Variants in PWWP2A observed in about 807,000 individuals in gnomAD.
The protein encoded by PWWP2A is PWWP domain-containing protein 2A.
A neutral mutation model predicts 48.5 loss-of-function variants in PWWP2A; 18 were observed. The observed-to-expected ratio is 0.37, with a 90% CI of 0.26 to 0.55. The LOEUF (loss-of-function observed/expected upper bound fraction) is 0.55. Ranked by LOEUF, PWWP2A falls within the 20% of genes least tolerant of loss-of-function variation. The pLI is 0.81. For missense variants in PWWP2A, 867 were observed against 976.4 expected (o/e 0.89, Z 1.49); for synonymous variants, 396 against 387.7 (o/e 1.02, Z -0.25).
At chr5:160,096,114 A>C (rs1240768265) in intron 1 of PWWP2A, among the ~76,000 whole-genome samples, 1 of 152,224 alleles carries the variant, frequency 6.6e-6, no homozygotes, top group African/African-American at 2.4e-5. Context: ...AGCATACACC[A>C]GGTATTATTC....
chr5:160,101,983 G>A (rs905937228), intron 1 of PWWP2A, among the ~76,000 whole-genome samples: 1 of 151,496 alleles, frequency 6.6e-6, no homozygotes, highest in African/African-American at 2.4e-5. Context: ...GGTGGCATGC[G>A]CCTGTAATCC....
the PWWP2A span, among the ~76,000 whole-genome samples, chr5:160,047,499 C>A: frequency 1.3e-5 from 2 of 152,178 alleles, no homozygotes; most frequent in Non-Finnish European, 2.9e-5. Flanking sequence ...TCATCTGGAC[C>A]ACTGCATTAG....
intron 5 of PWWP2A, among the ~76,000 whole-genome samples, chr5:160,062,905 CCTGT>C (rs1478365073): frequency 2.0e-5 from 3 of 152,124 alleles, no homozygotes; most frequent in Non-Finnish European, 4.4e-5. Flanking sequence ...CTGAGGCTGC[CCTGT>C]CTTTCTCTTG....
intron 2 of PWWP2A, among the ~76,000 whole-genome samples, chr5:160,068,912 A>C (rs894845685): frequency 6.6e-6 from 1 of 152,196 alleles, no homozygotes; most frequent in African/African-American, 2.4e-5. Context: ...CTGTTACCTC[A>C]AGATCAATAG....
At chr5:160,066,043 TAGTC>T (rs1301629391) in intron 4 of PWWP2A, among the ~76,000 whole-genome samples, 1 of 152,204 alleles carries the variant, frequency 6.6e-6, no homozygotes, top group Non-Finnish European at 1.5e-5. Context: ...TGACATGCAG[TAGTC>T]AGTCATACTC....
intron 1 of PWWP2A, chr5:160,113,095 T>A (rs773381376): frequency 3.5e-6 from 1 of 282,638 alleles, no homozygotes; most frequent in African/African-American, 2.3e-5. Flanking sequence ...GAGATGGAGG[T>A]TGCAGTGAGC....
chr5:160,087,216 T>C (rs1754706653), downstream of PWWP2A, among the ~76,000 whole-genome samples: 1 of 152,048 alleles, frequency 6.6e-6, no homozygotes, highest in Non-Finnish European at 1.5e-5. Context: ...TTGTCTCTAC[T>C]AAACATTTTT....
At position 160,093,563 on chromosome 5, in the gene PWWP2A, T is replaced by C; in HGVS notation, c.1087A>G (p.Lys363Glu). Residue 363 changes from lysine to glutamate, a missense_variant, in exon 2 of 2, where the codon AAA becomes GAA. Around this residue, in one of 4 missense-constraint regions of PWWP2A, gnomAD observed 382 missense variants for 407.2 expected, o/e 0.94. Coordinates refer to ENST00000307063, the MANE Select transcript of PWWP2A (RefSeq NM_001130864.2). The surrounding 1 kb of genome is among the most constrained non-coding windows in gnomAD (Gnocchi z 5.8). ...RRNESVTTVN[K>E]KLKTDHKVDG... Reference sequence around the variant, plus strand: ...ACTTTATGGTCAGTTTTCAGTTTTTTGTTCACAGTAGTTACACTTTCATTT... The same window carrying C: ...ACTTTATGGTCAGTTTTCAGTTTTTCGTTCACAGTAGTTACACTTTCATTT... 1.2e-6 allele frequency: 2 copies of C among 1,613,458 alleles called. No homozygotes were observed. The highest frequency in any genetic ancestry group is 1.7e-6 in the Non-Finnish European group (2 of 1,179,788).
chr5:160,092,333 GA>G lies in PWWP2A; in HGVS notation c.*48del. ...GTAGAAATTATTCCTAACTAGACTA[GA>G]AAATCTGTGGTGACTTCCAATGGTC... On this transcript the variant is annotated 3_prime_UTR_variant, in exon 2 of 2. Coordinates refer to ENST00000307063, the MANE Select transcript of PWWP2A (RefSeq NM_001130864.2). 1 of 1,476,144 alleles carries G rather than the reference GA, an allele frequency of 6.8e-7. No homozygotes were observed. The highest frequency in any genetic ancestry group is 9.0e-7 in the Non-Finnish European group (1 of 1,113,196). 91.4% of individuals were successfully genotyped at this position (1,476,144 alleles called of 1,614,324 possible).
chr5:160,089,585 T>C (rs1340843639), downstream of PWWP2A: 1 of 1,288,742 alleles, frequency 7.8e-7, no homozygotes, highest in East Asian at 5.6e-5. Flanking sequence ...TTCCAAATGA[T>C]TAGTCAGCTT....
intron 1 of PWWP2A, among the ~76,000 whole-genome samples, chr5:160,114,445 A>G (rs1757895404): frequency 6.7e-6 from 1 of 149,136 alleles, no homozygotes; most frequent in Non-Finnish European, 1.5e-5. Context: ...TGGGTGACAG[A>G]GCGAGACTGT....
At position 160,110,243 on chromosome 5, in the gene PWWP2A, C is replaced by T. The variant is rs1021748822; in HGVS notation, c.584+8562G>A. 5.9e-5 allele frequency among the ~76,000 whole-genome samples: 9 copies of T among 152,108 alleles called. No homozygotes were observed. In the East Asian group the frequency reaches 1.6e-3, roughly 26 times the overall value. The stretch of plus-strand genomic sequence containing the variant: ...ATCACCATGTTGGCCAGGCTGGTCT[C>T]AAACTCCTGCCTTCAAGGGATCCAC... On this transcript the variant is annotated intron_variant, in intron 1 of 1. Transcript: ENST00000307063.
At chr5:160,091,310 A>C, downstream of PWWP2A, 1 of 979,896 alleles carries the variant, frequency 1.0e-6, no homozygotes, top group Non-Finnish European at 1.2e-6. Context: ...GAAATTTTTC[A>C]AAGCTTTTTG....
chr5:160,101,839 TG>T (rs1191620089), intron 1 of PWWP2A, among the ~76,000 whole-genome samples: 1 of 149,622 alleles, frequency 6.7e-6, no homozygotes, highest in African/African-American at 2.5e-5. Context: ...GGCCGGCCAC[TG>T]GGGCTCATGC....
At chr5:160,109,156 G>C (rs759893327) in intron 1 of PWWP2A, among the ~76,000 whole-genome samples, 1 of 152,088 alleles carries the variant, frequency 6.6e-6, no homozygotes, top group African/African-American at 2.4e-5. Context: ...GCTAATTTTT[G>C]TATTTTTAGT....
At chr5:160,050,849 C>T in the PWWP2A span, among the ~76,000 whole-genome samples, 41 of 152,156 alleles carry the variant, frequency 2.7e-4, no homozygotes, top group African/African-American at 9.4e-4. Flanking sequence ...TGGTCTCAAA[C>T]TCCTGAGCTC....
chr5:160,045,554 C>CT, the PWWP2A span, among the ~76,000 whole-genome samples: 639 of 116,030 alleles, frequency 5.5e-3, 27 homozygotes, highest in African/African-American at 0.014. Flanking sequence ...TCTCTCTCTC[C>CT]CCCTCCCCTC....
Position 160,095,686 on chromosome 5 carries a change from C to CT in PWWP2A, c.585-1622dup, listed in dbSNP as rs11358268. ...CAGTGCTCAGATTCTCCGAAATGTT[C>CT]TTTTTTTTTTTTTTTTTTTTTTTTA... is the stretch of plus-strand genomic sequence containing the variant. On this transcript the variant is annotated intron_variant, in intron 1 of 1. Transcript: ENST00000307063. Among the ~76,000 whole-genome samples the CT allele has an allele frequency of 5.4e-3, 545 of 100,284 alleles. 5 individuals are homozygous for CT. Among genetic ancestry groups the CT allele is most frequent in the African/African-American group, 0.017 (445 of 26,132 alleles). The allele number at this position is 100,284 out of a possible 152,430, so 65.8% of individuals were successfully genotyped here.
intron 1 of PWWP2A, among the ~76,000 whole-genome samples, chr5:160,095,298 T>G (rs1755519693): frequency 6.6e-6 from 1 of 152,146 alleles, no homozygotes; most frequent in Non-Finnish European, 1.5e-5. Flanking sequence ...AATACGAATC[T>G]TTAAAATTCT....
Sources: allele counts gnomAD v4.1 joint callset (sites outside exome capture counted in the v4.1 genomes callset), GRCh38; gene constraint gnomAD v4.1.1; regional missense constraint gnomAD v4.1.1; non-coding constraint Gnocchi (gnomAD v3.1); transcripts MANE v1.5; gene names NCBI Gene and HGNC (gene_info 2026-07-23, HGNC 2026-07-21).